The following ATP11A variants were observed in gnomAD, a reference collection of about 807,000 sequenced individuals.
ATP11A encodes the protein phospholipid-transporting ATPase IH.
In ATP11A, 81 loss-of-function variants were observed where a neutral mutation model predicts 154.4. That is an observed-to-expected ratio of 0.52 (90% CI 0.44 to 0.63). The LOEUF (loss-of-function observed/expected upper bound fraction) is 0.63, where lower values mean the gene tolerates loss of function less well. Ranked by LOEUF, ATP11A falls within the 30% of genes least tolerant of loss-of-function variation. The pLI, the probability that ATP11A is intolerant of heterozygous loss-of-function variation, is 0.00. For synonymous variants in ATP11A, 623 were observed against 585.9 expected (o/e 1.06, Z -0.91); for missense variants, 1,316 against 1,474.3 (o/e 0.89, Z 1.76).
intron 2 of ATP11A, among the ~76,000 whole-genome samples, chr13:112,802,478 G>C (rs2078164194): frequency 6.7e-6 from 1 of 149,442 alleles, no homozygotes; most frequent in Non-Finnish European, 1.5e-5. Flanking sequence ...TTTGACAAAG[G>C]AGCAAAGGCA....
intron 21 of ATP11A, 100 bp downstream of exon 21, chr13:112,858,020 G>A (rs890873166): frequency 1.9e-5 from 30 of 1,565,988 alleles, no homozygotes; most frequent in East Asian, 1.6e-4. Context: ...GGACACCCCC[G>A]TCACCACCCT....
At chr13:112,770,243 G>A (rs937229775) in intron 1 of ATP11A, among the ~76,000 whole-genome samples, 9 of 152,172 alleles carry the variant, frequency 5.9e-5, no homozygotes, top group African/African-American at 1.9e-4. Flanking sequence ...GTCTAGGTCC[G>A]CTGGCACCCC....
intron 16 of ATP11A, among the ~76,000 whole-genome samples, chr13:112,841,644 G>GA (rs1356361457): frequency 1.3e-5 from 2 of 152,386 alleles, no homozygotes; most frequent in East Asian, 3.9e-4. Flanking sequence ...TTCAGGTGCA[G>GA]AGGGGGCTCT....
At position 112,815,657 on chromosome 13, in the gene ATP11A, T is replaced by G. The variant is rs1006371468; in HGVS notation, c.442-426T>G. ...GTTTTTGAAACATTGTTGCCACTTT[T>G]GCTTTATTTGTCCTCATGCTTTGAT... On this transcript the variant is annotated intron_variant, in intron 5 of 29. Transcript: ENST00000375645. 6.6e-5 allele frequency among the ~76,000 whole-genome samples: 10 copies of G among 152,248 alleles called. No individual in the cohort carries two copies. The East Asian group carries it at 1.9e-3, about 29-fold the overall frequency.
In ATP11A at chr13:112,810,663, C is replaced by T. The variant is rs1185736423; in HGVS notation, c.378C>T (p.Asn126=). 3.1e-6 allele frequency: 5 copies of T among 1,614,054 alleles called. No homozygotes were observed. The highest frequency in any genetic ancestry group is 1.7e-6 in the Non-Finnish European group (2 of 1,180,036). The change falls in exon 5 of 30, where the codon AAC becomes AAT. Residue 126 remains asparagine, a synonymous_variant. Coordinates refer to ENST00000375645, the MANE Select transcript of ATP11A (RefSeq NM_015205.3). ...GACATAAAGCAGACAATGCCATGAA[C>T]CAGTGTCCTGTTCATTTCATTCAGC... ...WLRHKADNAM[N]QCPVHFIQHG...
chr13:112,740,146 C>CTATATA (rs1359168685), intron 1 of ATP11A, among the ~76,000 whole-genome samples: 1 of 112,508 alleles, frequency 8.9e-6, no homozygotes, highest in Non-Finnish European at 1.8e-5. Flanking sequence ...CTCTCTCTCT[C>CTATATA]TCTATATATA....
At chr13:112,852,721 C>CA (rs1245306716) in intron 18 of ATP11A, among the ~76,000 whole-genome samples, 23 of 136,252 alleles carry the variant, frequency 1.7e-4, no homozygotes, top group African/African-American at 6.8e-4. Context: ...GCCCCTGGGG[C>CA]GGGGGGCAGG....
intron 16 of ATP11A, among the ~76,000 whole-genome samples, chr13:112,839,299 GA>G (rs2079328488): frequency 6.6e-6 from 1 of 152,006 alleles, no homozygotes; most frequent in Non-Finnish European, 1.5e-5. Flanking sequence ...ATTCATCTAT[GA>G]AAAAGAAAAG....
intron 1 of ATP11A, among the ~76,000 whole-genome samples, chr13:112,709,064 G>T (rs971793839): frequency 1.3e-5 from 2 of 152,128 alleles, no homozygotes; most frequent in African/African-American, 4.8e-5. Context: ...AGGGGGAATT[G>T]GGTGTCCCCA....
At chr13:112,813,940 T>C (rs1392076380) in intron 5 of ATP11A, among the ~76,000 whole-genome samples, 1 of 152,238 alleles carries the variant, frequency 6.6e-6, no homozygotes, top group Non-Finnish European at 1.5e-5. Flanking sequence ...TGAGAGGTCA[T>C]ATAATCTAGA....
At chr13:112,708,770 C>T (rs1264070601) in intron 1 of ATP11A, among the ~76,000 whole-genome samples, 3 of 152,290 alleles carry the variant, frequency 2.0e-5, no homozygotes, top group South Asian at 2.1e-4. Flanking sequence ...CACCCCTGCC[C>T]GACAAGCCTG....
intron 14 of ATP11A, 80 bp from the exon 15 acceptor site, chr13:112,834,509 C>T: frequency 1.1e-6 from 1 of 926,850 alleles, no homozygotes; most frequent in African/African-American, 1.7e-5. Flanking sequence ...GAACGCTTTA[C>T]CAAAATATAA....
At chr13:112,837,157 G>A (rs977417822) in intron 16 of ATP11A, among the ~76,000 whole-genome samples, 1 of 152,178 alleles carries the variant, frequency 6.6e-6, no homozygotes, top group Non-Finnish European at 1.5e-5. Flanking sequence ...CCACCCCTTT[G>A]CATGGCCATC....
chr13:112,776,531 G>C (rs2077353242), intron 1 of ATP11A, among the ~76,000 whole-genome samples: 2 of 152,220 alleles, frequency 1.3e-5, no homozygotes, highest in African/African-American at 4.8e-5. Context: ...GCTCCGGCCT[G>C]CCTGGCGATG....
rs1317202300 is a variant in ATP11A at position 112,859,742 on chromosome 13, G to A, written c.2727+290G>A. 6.6e-6 allele frequency among the ~76,000 whole-genome samples: 1 copy of A among 152,218 alleles called. No individual in the cohort carries two copies. The highest frequency in any genetic ancestry group is 1.5e-5 in the Non-Finnish European group (1 of 68,034). The stretch of plus-strand genomic sequence containing the variant: ...GTCTCCTCAGGGCCCAGCAGTGCTG[G>A]GCTGGGCATCCTGATGCCACTGCAA... On this transcript the variant is annotated intron_variant, in intron 23 of 29. Transcript: ENST00000375645. The surrounding 1 kb of genome is among the most constrained non-coding windows in gnomAD (Gnocchi z 4.3).
At chr13:112,880,036 A>C (rs1263332020) in intron 29 of ATP11A, among the ~76,000 whole-genome samples, 1 of 152,106 alleles carries the variant, frequency 6.6e-6, no homozygotes, top group African/African-American at 2.4e-5. Context: ...CAATTGTGCA[A>C]TTCCAAGCCC....
intron 1 of ATP11A, among the ~76,000 whole-genome samples, chr13:112,776,294 C>G (rs1475338601): frequency 6.6e-6 from 1 of 152,218 alleles, no homozygotes; most frequent in African/African-American, 2.4e-5. Flanking sequence ...CCAGACCCTC[C>G]TTCCATCCCC....
At chr13:112,708,556 T>C (rs1443402194) in intron 1 of ATP11A, among the ~76,000 whole-genome samples, 1 of 152,236 alleles carries the variant, frequency 6.6e-6, no homozygotes, top group African/African-American at 2.4e-5. Context: ...AAAGGAGTAT[T>C]AATGGCTTTT....
At chr13:112,878,324 A>G in intron 29 of ATP11A, 21 bp downstream of exon 29, 1 of 1,611,928 alleles carries the variant, frequency 6.2e-7, no homozygotes, top group East Asian at 2.2e-5. Flanking sequence ...TCTGCCTTCC[A>G]CGCACCTGGG....
Sources: allele counts gnomAD v4.1 joint callset (sites outside exome capture counted in the v4.1 genomes callset), GRCh38; gene constraint gnomAD v4.1.1; non-coding constraint Gnocchi (gnomAD v3.1); transcripts MANE v1.5; gene names NCBI Gene and HGNC (gene_info 2026-07-23, HGNC 2026-07-21).